The following SEMA6D variants were observed in gnomAD, a reference collection of about 807,000 sequenced individuals.
SEMA6D encodes semaphorin-6D.
Under a neutral mutation model 106.6 loss-of-function variants are expected in SEMA6D, and 35 were observed. The observed-to-expected ratio is 0.33, with a 90% confidence interval of 0.25 to 0.44. The LOEUF is 0.44. Among genes scored for constraint, SEMA6D ranks in the 20% least tolerant of loss-of-function variants. SEMA6D has a pLI of 1.00. For synonymous variants in SEMA6D, 499 were observed against 487.7 expected, an observed-to-expected ratio of 1.02 and a Z score of -0.31; for missense variants, 1,185 against 1,345.9, an observed-to-expected ratio of 0.88 and a Z score of 1.87.
chr15:47,228,025 T>TTTTATATATATAAGAATCTTATATATATA (rs1409821026), intron 1 of SEMA6D, among the ~76,000 whole-genome samples: 7 of 143,000 alleles, frequency 4.9e-5, no homozygotes, highest in Non-Finnish European at 1.1e-4. Context: ...ATCATATATT[T>TTTTATATATATAAGAATCTTATATATATA]TTTATATATA....
At chr15:47,252,417 T>C (rs2033574181) in intron 1 of SEMA6D, among the ~76,000 whole-genome samples, 1 of 152,164 alleles carries the variant, frequency 6.6e-6, no homozygotes, top group South Asian at 2.1e-4. Context: ...CATGATTTAC[T>C]TTTCTAACTA....
chr15:47,679,909 A>G (rs1335156734), intron 4 of SEMA6D, among the ~76,000 whole-genome samples: 5 of 152,148 alleles, frequency 3.3e-5, no homozygotes, highest in Non-Finnish European at 5.9e-5. Flanking sequence ...AGATTGTCTC[A>G]TGTCTCCAAG....
At chr15:47,730,555 G>A in intron 1 of SEMA6D, 4 of 1,372,768 alleles carry the variant, frequency 2.9e-6, no homozygotes, top group South Asian at 1.2e-5. Context: ...GTCTCTTCGT[G>A]GGGACATCCC....
intron 2 of SEMA6D, among the ~76,000 whole-genome samples, chr15:47,421,769 G>T (rs1206688815): frequency 1.3e-5 from 2 of 151,948 alleles, no homozygotes; most frequent in African/African-American, 4.8e-5. Flanking sequence ...AGGTTGAAGG[G>T]AAAGATGAGA....
At chr15:47,762,493 G>T (rs1278036981) in intron 8 of SEMA6D, among the ~76,000 whole-genome samples, 174 bp downstream of exon 8, 1 of 152,036 alleles carries the variant, frequency 6.6e-6, no homozygotes, top group Non-Finnish European at 1.5e-5. Flanking sequence ...GAGGCTGGTA[G>T]CCATGTCAGA....
intron 3 of SEMA6D, among the ~76,000 whole-genome samples, chr15:47,556,292 C>T (rs909040748): frequency 2.6e-5 from 4 of 152,126 alleles, no homozygotes; most frequent in African/African-American, 9.7e-5. Flanking sequence ...CTTTCCGATT[C>T]CCCGTATGCA....
At chr15:47,409,822 T>C (rs549738728) in intron 1 of SEMA6D, among the ~76,000 whole-genome samples, 1 of 143,282 alleles carries the variant, frequency 7.0e-6, no homozygotes, top group South Asian at 2.3e-4. Context: ...CTGGACATGC[T>C]GGGAGTGGGG....
intron 1 of SEMA6D, chr15:47,718,886 T>C (rs1177935259): frequency 6.6e-6 from 1 of 152,218 alleles, no homozygotes; most frequent in Non-Finnish European, 1.5e-5. Context: ...AGGGAAACTT[T>C]TATTTCCCGT....
chr15:47,412,689 ATTT>A (rs2040837289), intron 2 of SEMA6D, among the ~76,000 whole-genome samples: 1 of 152,180 alleles, frequency 6.6e-6, no homozygotes, highest in African/African-American at 2.4e-5. Flanking sequence ...TAATAATTAG[ATTT>A]TTTAAGTGTC....
At chr15:47,305,815 A>G (rs2036209113) in intron 1 of SEMA6D, among the ~76,000 whole-genome samples, 1 of 152,182 alleles carries the variant, frequency 6.6e-6, no homozygotes, top group Admixed American at 6.5e-5. Flanking sequence ...AAGGCAGCCA[A>G]GATAAGTTCT....
chr15:47,754,134 G>A (rs2147437319), intron 1 of SEMA6D, among the ~76,000 whole-genome samples: 1 of 152,286 alleles, frequency 6.6e-6, no homozygotes, highest in East Asian at 1.9e-4. Flanking sequence ...GCTCATGGCT[G>A]TAATCCCAAC....
chr15:47,374,243 A>C (rs1208498761), intron 1 of SEMA6D, among the ~76,000 whole-genome samples: 1 of 152,228 alleles, frequency 6.6e-6, no homozygotes, highest in Non-Finnish European at 1.5e-5. Flanking sequence ...CAATGGGATG[A>C]GAATCCACAA....
intron 1 of SEMA6D, among the ~76,000 whole-genome samples, chr15:47,365,919 G>C (rs375223423): frequency 9.2e-6 from 1 of 108,794 alleles, no homozygotes; most frequent in Non-Finnish European, 2.1e-5. Flanking sequence ...GAGAGAGAGA[G>C]AGAGAAAAGA....
intron 1 of SEMA6D, among the ~76,000 whole-genome samples, chr15:47,250,440 G>GAAGAAAGAAAGAAAGA (rs549519554): frequency 1.3e-5 from 2 of 151,670 alleles, no homozygotes; most frequent in African/African-American, 4.8e-5. Flanking sequence ...AGCAAATCCT[G>GAAGAAAGAAAGAAAGA]AAGAAAGAAA....
chr15:47,306,987 C>T (rs1374671495), intron 1 of SEMA6D, among the ~76,000 whole-genome samples: 4 of 152,176 alleles, frequency 2.6e-5, no homozygotes, highest in Admixed American at 6.5e-5. Context: ...AGTACACAAG[C>T]ATAACATTAT....
At chr15:47,720,751 A>G (rs745539595) in intron 1 of SEMA6D, among the ~76,000 whole-genome samples, 2 of 152,244 alleles carry the variant, frequency 1.3e-5, no homozygotes, top group Non-Finnish European at 2.9e-5. Flanking sequence ...CTGCTCCATC[A>G]TAATAAACCT....
intron 1 of SEMA6D, among the ~76,000 whole-genome samples, chr15:47,740,557 C>T (rs1302314007): frequency 2.0e-5 from 3 of 152,048 alleles, no homozygotes; most frequent in Non-Finnish European, 4.4e-5. Flanking sequence ...ATAGACAAGC[C>T]TTCCAGAGAT....
At chr15:47,385,406 C>T (rs751738291) in intron 1 of SEMA6D, among the ~76,000 whole-genome samples, 1 of 151,976 alleles carries the variant, frequency 6.6e-6, no homozygotes, top group Non-Finnish European at 1.5e-5. Flanking sequence ...CTGAGAGTAC[C>T]GAATTCCATT....
At chr15:47,697,549 C>T (rs1226431484) in intron 4 of SEMA6D, among the ~76,000 whole-genome samples, 3 of 152,162 alleles carry the variant, frequency 2.0e-5, no homozygotes, top group Non-Finnish European at 4.4e-5. Flanking sequence ...CCTATTTTTA[C>T]TTCTAAATTC....
Sources: gnomAD v4.1 joint callset for allele counts (sites outside exome capture counted in the v4.1 genomes callset) on GRCh38, gnomAD v4.1.1 for gene constraint, MANE v1.5 for transcripts, NCBI Gene and HGNC (gene_info 2026-07-23, HGNC 2026-07-21) for gene names.